The following SGCD variants were observed in gnomAD, a reference collection of about 807,000 sequenced individuals.
The protein encoded by SGCD is delta-sarcoglycan.
Under a neutral mutation model 36.6 loss-of-function variants are expected in SGCD, and 18 were observed. The observed-to-expected ratio is 0.49, with a 90% CI of 0.34 to 0.73. The LOEUF is 0.73. Among genes scored for constraint, SGCD ranks in the 30% least tolerant of loss-of-function variants. The pLI is 0.01. For synonymous variants in SGCD, 133 were observed against 130.6 expected (o/e 1.02, Z -0.12); for missense variants, 387 against 346.7 (o/e 1.12, Z -0.92).
upstream of SGCD, among the ~76,000 whole-genome samples, chr5:155,869,762 A>C (rs576310192): frequency 6.6e-6 from 1 of 152,094 alleles, no homozygotes; most frequent in Admixed American, 6.5e-5. Flanking sequence ...GAACTTTGAG[A>C]GGCCAAGGTG....
upstream of SGCD, among the ~76,000 whole-genome samples, chr5:155,867,799 C>T (rs921037484): frequency 6.6e-5 from 10 of 152,124 alleles, no homozygotes; most frequent in African/African-American, 2.4e-4. Flanking sequence ...ATTTTGAATT[C>T]TCAGAACAAT....
intron 7 of SGCD, among the ~76,000 whole-genome samples, chr5:156,730,124 A>ATAAT (rs1297699777): frequency 1.3e-5 from 2 of 152,208 alleles, no homozygotes; most frequent in Non-Finnish European, 2.9e-5. Flanking sequence ...TTACAAGTAT[A>ATAAT]TAATTAGAAT....
chr5:156,319,717 C>T (rs1238497957), intron 3 of SGCD, among the ~76,000 whole-genome samples: 1 of 152,176 alleles, frequency 6.6e-6, no homozygotes, highest in Non-Finnish European at 1.5e-5. Context: ...CCCAATTCCT[C>T]TATTACCTAT....
At chr5:156,279,199 T>A (rs957780590) in intron 3 of SGCD, among the ~76,000 whole-genome samples, 3 of 152,182 alleles carry the variant, frequency 2.0e-5, no homozygotes, top group Non-Finnish European at 2.9e-5. Context: ...GTGTTTACAG[T>A]CTGTTATGGG....
intron 3 of SGCD, among the ~76,000 whole-genome samples, chr5:156,285,962 C>G (rs566271276): frequency 6.6e-6 from 1 of 152,146 alleles, no homozygotes; most frequent in South Asian, 2.1e-4. Context: ...ACAATGAACT[C>G]CAACAAATTT....
At chr5:156,537,844 GAAA>G (rs71577201) in intron 4 of SGCD, among the ~76,000 whole-genome samples, 5 of 147,098 alleles carry the variant, frequency 3.4e-5, no homozygotes, top group African/African-American at 5.0e-5. Flanking sequence ...TGAATGGAAA[GAAA>G]AAAAAAAAAG....
At chr5:155,899,009 A>G (rs759049038) in intron 1 of SGCD, among the ~76,000 whole-genome samples, 20 of 152,228 alleles carry the variant, frequency 1.3e-4, no homozygotes, top group Non-Finnish European at 2.2e-4. Context: ...ATAGAGGGAC[A>G]TGCAGGGACA....
At chr5:156,160,470 C>A (rs1442828134) in intron 3 of SGCD, among the ~76,000 whole-genome samples, 2 of 151,522 alleles carry the variant, frequency 1.3e-5, no homozygotes, top group Non-Finnish European at 2.9e-5. Flanking sequence ...TCTCAAGATG[C>A]GTCCAGAATC....
At chr5:156,436,145 C>T (rs1753235363) in intron 3 of SGCD, among the ~76,000 whole-genome samples, 1 of 152,146 alleles carries the variant, frequency 6.6e-6, no homozygotes, top group East Asian at 1.9e-4. Flanking sequence ...CAGGTACCAC[C>T]CACAGCAAAA....
At chr5:156,113,634 T>C (rs1761842929) in intron 1 of SGCD, among the ~76,000 whole-genome samples, 1 of 152,210 alleles carries the variant, frequency 6.6e-6, no homozygotes, top group Non-Finnish European at 1.5e-5. Context: ...ACTTTTACCA[T>C]ATGATACAGC....
At chr5:155,799,721 T>C in the SGCD span, among the ~76,000 whole-genome samples, 1 of 151,978 alleles carries the variant, frequency 6.6e-6, no homozygotes, top group East Asian at 1.9e-4. Flanking sequence ...AGAACTACTT[T>C]TATTTCCTTT....
intron 7 of SGCD, among the ~76,000 whole-genome samples, chr5:156,717,858 C>T (rs1021951699): frequency 2.6e-5 from 4 of 152,050 alleles, no homozygotes; most frequent in African/African-American, 9.7e-5. Flanking sequence ...CCACATTTTC[C>T]CTTCACTCCC....
chr5:156,571,522 TCTCTCCCC>T, intron 4 of SGCD, among the ~76,000 whole-genome samples: 1 of 152,266 alleles, frequency 6.6e-6, no homozygotes, highest in East Asian at 1.9e-4. Flanking sequence ...CCCTTTCCTC[TCTCTCCCC>T]CTGAATGTAT....
intron 3 of SGCD, among the ~76,000 whole-genome samples, chr5:156,147,403 A>G (rs1197903974): frequency 6.6e-6 from 1 of 152,234 alleles, no homozygotes; most frequent in African/African-American, 2.4e-5. Context: ...AAGAGTTCAT[A>G]GTCTTAGGAT....
At chr5:156,374,031 A>G (rs1392228945) in intron 3 of SGCD, among the ~76,000 whole-genome samples, 1 of 152,144 alleles carries the variant, frequency 6.6e-6, no homozygotes, top group Non-Finnish European at 1.5e-5. Flanking sequence ...GAGTCAACGG[A>G]CATTTTATTT....
rs150481820 is a variant in SGCD, at chr5:156,122,359, A to C, written c.-207-1497A>C. ...GATGACAGATAATAAACAGGTAGAC[A>C]TGTAATACATCAAAAAGACTTTTAA... On this transcript the variant is annotated intron_variant, in intron 2 of 9. Transcript: ENST00000517913. 8.5e-5 allele frequency among the ~76,000 whole-genome samples: 13 copies of C among 152,320 alleles called. No individual in the cohort carries two copies. In the East Asian group the frequency reaches 2.5e-3, roughly 29 times the overall value.
intron 3 of SGCD, among the ~76,000 whole-genome samples, chr5:156,241,286 G>GCA (rs990500992): frequency 1.6e-3 from 239 of 151,724 alleles, no homozygotes; most frequent in Middle Eastern, 3.4e-3. Flanking sequence ...GTGTGTGTGT[G>GCA]TGCATGTATG....
At chr5:156,707,140 C>G (rs1754777562) in intron 7 of SGCD, among the ~76,000 whole-genome samples, 1 of 152,114 alleles carries the variant, frequency 6.6e-6, no homozygotes. Flanking sequence ...AAACTTTGGG[C>G]TCTTGGCATA....
intron 7 of SGCD, among the ~76,000 whole-genome samples, chr5:156,702,669 C>A (rs1418772962): frequency 1.3e-5 from 2 of 151,990 alleles, no homozygotes; most frequent in African/African-American, 4.8e-5. Flanking sequence ...AATTAAATAT[C>A]CAAGTTTTAA....
Sources: gnomAD v4.1 joint callset for allele counts (sites outside exome capture counted in the v4.1 genomes callset) on GRCh38, gnomAD v4.1.1 for gene constraint, MANE v1.5 for transcripts, NCBI Gene and HGNC (gene_info 2026-07-23, HGNC 2026-07-21) for gene names.